ACOXL: variants seen among roughly 807,000 people sequenced by gnomAD.
ACOXL encodes acyl-coenzyme A oxidase-like protein.
ACOXL carries 70 observed loss-of-function variants against 71.9 expected under a neutral mutation model. The ratio of observed to expected loss-of-function variants is 0.97; its 90% CI spans 0.80 to 1.19. The LOEUF is 1.19. Among genes scored for constraint, ACOXL ranks in the 50% most tolerant of loss-of-function variants. The pLI, the probability that ACOXL is intolerant of heterozygous loss-of-function variation, is 0.00. For missense variants in ACOXL, 703 were observed against 736.3 expected (o/e 0.95, Z 0.52); for synonymous variants, 253 against 281.6 (o/e 0.90, Z 1.02).
intron 11 of ACOXL, among the ~76,000 whole-genome samples, chr2:110,927,090 G>A (rs993954030): frequency 3.3e-5 from 5 of 152,134 alleles, no homozygotes; most frequent in Admixed American, 2.6e-4. Context: ...TTACAATCAT[G>A]GTGGAAGGCA....
At chr2:110,877,608 T>TACAGAGAC in intron 10 of ACOXL, among the ~76,000 whole-genome samples, 1 of 152,192 alleles carries the variant, frequency 6.6e-6, no homozygotes, top group Non-Finnish European at 1.5e-5. Context: ...TTCCTTTTCC[T>TACAGAGAC]ACAGAGACTC....
intron 15 of ACOXL, among the ~76,000 whole-genome samples, chr2:111,038,875 C>G (rs1248533859): frequency 6.6e-6 from 1 of 152,144 alleles, no homozygotes; most frequent in Non-Finnish European, 1.5e-5. Context: ...GCCACCCACA[C>G]AAAAACCAAA....
chr2:111,060,062 A>G (rs538535354), intron 16 of ACOXL, among the ~76,000 whole-genome samples: 6 of 152,278 alleles, frequency 3.9e-5, no homozygotes, highest in Admixed American at 3.9e-4. Flanking sequence ...CTCCACACTC[A>G]CGAGACTACA....
intron 14 of ACOXL, among the ~76,000 whole-genome samples, chr2:111,004,754 GAA>G (rs1277041734): frequency 6.6e-6 from 1 of 152,194 alleles, no homozygotes; most frequent in African/African-American, 2.4e-5. Flanking sequence ...CAATAGCTTG[GAA>G]ATGCCATTGA....
chr2:111,003,592 T>C (rs1163598679), intron 14 of ACOXL, among the ~76,000 whole-genome samples: 1 of 115,322 alleles, frequency 8.7e-6, no homozygotes, highest in African/African-American at 3.2e-5. Flanking sequence ...ATCACAGAAC[T>C]AGCTTTTACC....
intron 17 of ACOXL, among the ~76,000 whole-genome samples, chr2:111,117,127 T>A (rs1438920112): frequency 6.6e-6 from 1 of 152,242 alleles, no homozygotes; most frequent in Non-Finnish European, 1.5e-5. Context: ...CTGGGGAGAC[T>A]GGAGCAGGTC....
chr2:110,990,851 A>G (rs991820915), intron 13 of ACOXL, among the ~76,000 whole-genome samples: 2 of 152,056 alleles, frequency 1.3e-5, no homozygotes, highest in Non-Finnish European at 1.5e-5. Flanking sequence ...GAAACACTCA[A>G]TTTTGTTATG....
chr2:111,117,472 AAC>A (rs1417268467), intron 17 of ACOXL, 142 bp from the exon 18 acceptor site: 3 of 850,732 alleles, frequency 3.5e-6, no homozygotes, highest in African/African-American at 1.7e-5. Context: ...ATTCATGGCC[AAC>A]AGTTTCCACA....
chr2:110,995,308 TG>T (rs1384207083), intron 13 of ACOXL, among the ~76,000 whole-genome samples: 7 of 151,240 alleles, frequency 4.6e-5, no homozygotes, highest in Non-Finnish European at 1.0e-4. Context: ...AAGACCAGCC[TG>T]GCCAATATGG....
intron 12 of ACOXL, 119 bp from the exon 13 acceptor site, chr2:110,986,989 T>A (rs1158311779): frequency 1.9e-5 from 15 of 793,872 alleles, no homozygotes; most frequent in Non-Finnish European, 3.1e-5. Flanking sequence ...TGAGGTCTTG[T>A]ATTTGATTCC....
intron 14 of ACOXL, among the ~76,000 whole-genome samples, chr2:111,022,485 GAGAC>G (rs2064813955): frequency 6.6e-6 from 1 of 152,002 alleles, no homozygotes; most frequent in African/African-American, 2.4e-5. Context: ...AACCGGAAGA[GAGAC>G]AGGAAGATAG....
intron 14 of ACOXL, among the ~76,000 whole-genome samples, chr2:111,012,837 A>G (rs993894790): frequency 1.3e-5 from 2 of 152,206 alleles, no homozygotes; most frequent in Non-Finnish European, 2.9e-5. Context: ...TGAAATGCTT[A>G]TCTTAGAAAA....
chr2:111,032,183 C>CTTCTAAAGCAGTGG (rs1257879247), intron 15 of ACOXL, among the ~76,000 whole-genome samples: 4 of 152,146 alleles, frequency 2.6e-5, no homozygotes, highest in Admixed American at 6.5e-5. Flanking sequence ...CTGGGTCAAC[C>CTTCTAAAGCAGTGG]TTCTAAAGCA....
intron 12 of ACOXL, among the ~76,000 whole-genome samples, chr2:110,949,772 C>T (rs1482976445): frequency 6.6e-6 from 1 of 152,102 alleles, no homozygotes; most frequent in Non-Finnish European, 1.5e-5. Flanking sequence ...GAGTTATTAT[C>T]CTTATAGTTT....
chr2:110,830,515 GTT>G (rs527658840), intron 9 of ACOXL, among the ~76,000 whole-genome samples: 1 of 151,568 alleles, frequency 6.6e-6, no homozygotes, highest in South Asian at 2.1e-4. Flanking sequence ...GAAGGCTCAG[GTT>G]TTTTGGGTTT....
intron 9 of ACOXL, among the ~76,000 whole-genome samples, chr2:110,810,640 C>T (rs1219848951): frequency 2.0e-5 from 3 of 152,086 alleles, no homozygotes; most frequent in Non-Finnish European, 2.9e-5. Flanking sequence ...ACCCATCCAT[C>T]ATCCATCCAT....
At chr2:111,060,404 A>G (rs1277944847) in intron 16 of ACOXL, among the ~76,000 whole-genome samples, 3 of 152,154 alleles carry the variant, frequency 2.0e-5, no homozygotes, top group Non-Finnish European at 4.4e-5. Context: ...CTTCCCAACC[A>G]GAGTGGGATC....
At chr2:110,799,459 CTG>C in intron 7 of ACOXL, among the ~76,000 whole-genome samples, 1 of 152,178 alleles carries the variant, frequency 6.6e-6, no homozygotes, top group East Asian at 1.9e-4. Flanking sequence ...TGTCTGCTCT[CTG>C]TGCTCTTGAG....
At chr2:111,006,557 C>CTT (rs376617252) in intron 14 of ACOXL, among the ~76,000 whole-genome samples, 1 of 145,460 alleles carries the variant, frequency 6.9e-6, no homozygotes, top group Non-Finnish European at 1.5e-5. Context: ...GTGTTTCCCT[C>CTT]TTTTTTTTTT....
Sources: allele counts gnomAD v4.1 joint callset (sites outside exome capture counted in the v4.1 genomes callset), GRCh38; gene constraint gnomAD v4.1.1; transcripts MANE v1.5; gene names NCBI Gene and HGNC (gene_info 2026-07-23, HGNC 2026-07-21).